Variants in DGKB observed in about 807,000 individuals in gnomAD.
The protein encoded by DGKB is diacylglycerol kinase beta, also known as 90 kDa diacylglycerol kinase.
In DGKB, 67 loss-of-function variants were observed where a neutral mutation model predicts 114.3. The ratio of observed to expected loss-of-function variants is 0.59; its 90% confidence interval spans 0.48 to 0.72. The LOEUF (loss-of-function observed/expected upper bound fraction) is 0.72. Among genes scored for constraint, DGKB ranks in the 30% least tolerant of loss-of-function variants. DGKB has a pLI of 0.00. For synonymous variants in DGKB, 398 were observed against 323.1 expected, an observed-to-expected ratio of 1.23 and a Z score of -2.49; for missense variants, 907 against 975.2, an observed-to-expected ratio of 0.93 and a Z score of 0.93.
chr7:14,892,962 A>G (rs217586), intron 1 of DGKB, among the ~76,000 whole-genome samples: 14,286 of 147,688 alleles, frequency 0.097, 924 homozygotes, highest in Middle Eastern at 0.17. Context: ...ATGTGTGTGT[A>G]TATATACATA....
At chr7:14,941,523 A>C (rs2128254909) in intron 1 of DGKB, among the ~76,000 whole-genome samples, 1 of 152,224 alleles carries the variant, frequency 6.6e-6, no homozygotes, top group South Asian at 2.1e-4. Flanking sequence ...TGTTCATTCC[A>C]AAAATTGTAT....
intron 1 of DGKB, among the ~76,000 whole-genome samples, chr7:14,934,244 T>C (rs999948998): frequency 6.6e-6 from 1 of 152,186 alleles, no homozygotes; most frequent in African/African-American, 2.4e-5. Flanking sequence ...TTCACTAATA[T>C]CCAAAATTAC....
chr7:14,205,424 C>T (rs1237608110), intron 23 of DGKB, among the ~76,000 whole-genome samples: 1 of 151,766 alleles, frequency 6.6e-6, no homozygotes, highest in Non-Finnish European at 1.5e-5. Flanking sequence ...CTTGGGGACA[C>T]CTCATATCAT....
rs1826950099 is a variant in DGKB, at chr7:14,422,996, T to C, written c.1835+55165A>G. ...ATGAAATCACTAACGCAATATTATA[T>C]AGCTAACTATTGGCAGTGCTGGGAC... On this transcript the variant is annotated intron_variant, in intron 21 of 25. Transcript: ENST00000402815. Among the ~76,000 whole-genome samples, 5 of 152,034 alleles carry C rather than the reference T, an allele frequency of 3.3e-5. 1 individual carries two copies. In the South Asian group the frequency reaches 1.0e-3, roughly 31 times the overall value.
chr7:14,709,024 A>G lies in DGKB; in HGVS notation c.467-7294T>C, dbSNP rs940320250. On this transcript the variant is annotated intron_variant, in intron 6 of 25. Transcript: ENST00000402815. Reference sequence around the variant, plus strand: ...AAAAGAAACTACCATCAGAGTGAACAGGCAACCTACAAAATGGGAGAAGAT... The same window carrying G: ...AAAAGAAACTACCATCAGAGTGAACGGGCAACCTACAAAATGGGAGAAGAT... Among the ~76,000 whole-genome samples, 150 of 146,292 alleles carry G rather than the reference A, an allele frequency of 1.0e-3. 2 individuals are homozygous for G. Among genetic ancestry groups the G allele is most frequent in the African/African-American group, 3.7e-3 (143 of 38,980 alleles).
chr7:14,271,046 T>C (rs969142504), intron 23 of DGKB, among the ~76,000 whole-genome samples: 2 of 152,208 alleles, frequency 1.3e-5, no homozygotes, highest in African/African-American at 2.4e-5. Flanking sequence ...AAGGATGATT[T>C]TGGGGAGAAC....
chr7:14,767,220 T>A lies in DGKB; in HGVS notation c.71-9489A>T, dbSNP rs976112044. Among the ~76,000 whole-genome samples, 25 of 151,368 alleles carry A rather than the reference T, an allele frequency of 1.7e-4. No individual in the cohort carries two copies. The East Asian group carries it at 1.7e-3, about 11-fold the overall frequency. ...AAAAAATAAAAAATTAAAAAAAAAA[T>A]TTTTAAACACCCACTAGAATGTTGT... On this transcript the variant is annotated intron_variant, in intron 2 of 25. Coordinates refer to ENST00000402815, the MANE Select transcript of DGKB (RefSeq NM_001350709.2).
At chr7:14,762,906 A>G (rs1835911288) in intron 2 of DGKB, among the ~76,000 whole-genome samples, 1 of 152,158 alleles carries the variant, frequency 6.6e-6, no homozygotes, top group Non-Finnish European at 1.5e-5. Flanking sequence ...CTGGTGCCCA[A>G]TAAATCCTTG....
intron 1 of DGKB, among the ~76,000 whole-genome samples, chr7:14,872,502 C>T (rs1467092832): frequency 3.3e-5 from 5 of 152,128 alleles, no homozygotes; most frequent in Non-Finnish European, 4.4e-5. Flanking sequence ...ATGTTATATG[C>T]ACTCTCTATG....
At chr7:14,552,299 A>T (rs1426363841) in intron 20 of DGKB, among the ~76,000 whole-genome samples, 2 of 152,200 alleles carry the variant, frequency 1.3e-5, no homozygotes, top group African/African-American at 4.8e-5. Flanking sequence ...GAATAAACTA[A>T]TAAATGAACT....
At chr7:14,576,880 A>G (rs766599820) in intron 19 of DGKB, among the ~76,000 whole-genome samples, 2 of 152,232 alleles carry the variant, frequency 1.3e-5, no homozygotes, top group Non-Finnish European at 2.9e-5. Context: ...AAGCAAAAGT[A>G]GAAAGAGGCA....
chr7:14,874,771 T>C (rs556863679), intron 1 of DGKB, among the ~76,000 whole-genome samples: 1 of 152,264 alleles, frequency 6.6e-6, no homozygotes, highest in African/African-American at 2.4e-5. Flanking sequence ...GCCGATCTTC[T>C]AGGCATTATT....
At chr7:14,809,653 C>A (rs182764979) in intron 2 of DGKB, among the ~76,000 whole-genome samples, 22 of 152,064 alleles carry the variant, frequency 1.4e-4, no homozygotes, top group African/African-American at 5.3e-4. Flanking sequence ...GTTTTAATAT[C>A]TTTGGCATAA....
At chr7:14,830,041 C>A (rs762042344) in intron 2 of DGKB, among the ~76,000 whole-genome samples, 1 of 151,916 alleles carries the variant, frequency 6.6e-6, no homozygotes, top group Non-Finnish European at 1.5e-5. Flanking sequence ...TGTTTAAGGA[C>A]CATTATCTTT....
At chr7:14,541,103 G>A (rs968321392) in intron 20 of DGKB, among the ~76,000 whole-genome samples, 1 of 151,454 alleles carries the variant, frequency 6.6e-6, no homozygotes. Context: ...AATATTGTTG[G>A]TCTCCTTTTT....
At chr7:14,369,255 C>T (rs1817218083) in intron 21 of DGKB, among the ~76,000 whole-genome samples, 2 of 152,020 alleles carry the variant, frequency 1.3e-5, no homozygotes, top group Admixed American at 6.6e-5. Context: ...TAAACTCATC[C>T]TTTTTCGTGG....
chr7:14,445,166 C>CTTTCT (rs1393891811), intron 21 of DGKB, among the ~76,000 whole-genome samples: 8 of 151,722 alleles, frequency 5.3e-5, no homozygotes, highest in African/African-American at 1.9e-4. Context: ...TATTCTTGCT[C>CTTTCT]TTTCTTTTCT....
intron 23 of DGKB, among the ~76,000 whole-genome samples, chr7:14,200,647 A>T (rs1252246124): frequency 6.6e-6 from 1 of 152,078 alleles, no homozygotes; most frequent in Admixed American, 6.6e-5. Flanking sequence ...ACAAAGTTAC[A>T]TTGAGCACCA....
At chr7:14,304,577 G>A (rs1804155694) in intron 23 of DGKB, among the ~76,000 whole-genome samples, 1 of 151,966 alleles carries the variant, frequency 6.6e-6, no homozygotes. Context: ...TTTTCTTTTC[G>A]ATAACTAGCC....
Sources: allele counts gnomAD v4.1 joint callset (sites outside exome capture counted in the v4.1 genomes callset), GRCh38; gene constraint gnomAD v4.1.1; transcripts MANE v1.5; gene names NCBI Gene and HGNC (gene_info 2026-07-23, HGNC 2026-07-21).